DPP6: variants seen among roughly 807,000 people sequenced by gnomAD.
The protein encoded by DPP6 is dipeptidyl peptidase like 6.
DPP6 carries 69 observed loss-of-function variants against 122.6 expected under a neutral mutation model. The ratio of observed to expected loss-of-function variants is 0.56; its 90% CI spans 0.46 to 0.69. The LOEUF (loss-of-function observed/expected upper bound fraction) is 0.69. Among genes scored for constraint, DPP6 ranks in the 30% least tolerant of loss-of-function variants. The pLI is 0.00. For synonymous variants in DPP6, 418 were observed against 433.1 expected (o/e 0.97, Z 0.43); for missense variants, 928 against 1,116.9 (o/e 0.83, Z 2.41).
rs75827259 is a variant in DPP6, at chr7:154,314,249, C to T, written c.244-131965C>T. On this transcript the variant is annotated intron_variant, in intron 1 of 25. Coordinates refer to ENST00000377770, the MANE Select transcript of DPP6 (RefSeq NM_130797.4). Reference sequence around the variant, plus strand: ...TATGAAATGGGGATGATTCCTGTCACGCTGTTGCTGTAAAAAACAAAATAT... The same window carrying T: ...TATGAAATGGGGATGATTCCTGTCATGCTGTTGCTGTAAAAAACAAAATAT... 8.3e-3 allele frequency among the ~76,000 whole-genome samples: 1,260 copies of T among 152,240 alleles called. 30 individuals are homozygous for T. The highest frequency in any genetic ancestry group is 0.072 in the East Asian group (372 of 5,166).
At chr7:154,466,135 C>T (rs1415580101) in intron 2 of DPP6, among the ~76,000 whole-genome samples, 1 of 151,084 alleles carries the variant, frequency 6.6e-6, no homozygotes, top group Non-Finnish European at 1.5e-5. Context: ...TGTTCTCACT[C>T]ATAAGTGGGA....
chr7:153,923,118 A>AGCTGAC (rs1267336239), intron 1 of DPP6, among the ~76,000 whole-genome samples: 7 of 152,254 alleles, frequency 4.6e-5, no homozygotes, highest in Admixed American at 3.3e-4. Flanking sequence ...GCCGCCAAAC[A>AGCTGAC]GCCAGGCAGT....
chr7:154,068,112 G>C (rs1227538024), intron 1 of DPP6, among the ~76,000 whole-genome samples: 1 of 152,092 alleles, frequency 6.6e-6, no homozygotes, highest in African/African-American at 2.4e-5. Context: ...CAATGGCTTA[G>C]TTGGGAAAGG....
At chr7:154,573,252 G>A (rs1831244707) in intron 5 of DPP6, among the ~76,000 whole-genome samples, 1 of 152,148 alleles carries the variant, frequency 6.6e-6, no homozygotes, top group Non-Finnish European at 1.5e-5. Flanking sequence ...TGTGGGGGCT[G>A]CTATCAGAAT....
intron 1 of DPP6, chr7:154,305,335 T>TGGCC: frequency 1.6e-5 from 16 of 1,024,752 alleles, no homozygotes; most frequent in Non-Finnish European, 1.8e-5. Flanking sequence ...TCGTCTTGTC[T>TGGCC]ACCCACCCTC....
chr7:154,469,097 A>G (rs537739794), intron 2 of DPP6, among the ~76,000 whole-genome samples: 1 of 152,356 alleles, frequency 6.6e-6, no homozygotes, highest in African/African-American at 2.4e-5. Context: ...CAGAAAAGGA[A>G]AATATCAAGC....
chr7:153,921,259 A>C (rs1800625163), intron 1 of DPP6, among the ~76,000 whole-genome samples: 1 of 152,248 alleles, frequency 6.6e-6, no homozygotes, highest in Admixed American at 6.5e-5. Context: ...GCCGGGAGCA[A>C]GCCTCTCCTC....
rs192884194 is a variant in DPP6, at chr7:154,067,643, A to T, written c.243+14580A>T. Among the ~76,000 whole-genome samples, 1,396 of 152,244 alleles carry T rather than the reference A, an allele frequency of 9.2e-3. 29 individuals carry two copies. The highest frequency in any genetic ancestry group is 0.032 in the African/African-American group (1,329 of 41,548). ...TAAGGTCATGGGGAGTCATTTGAAAATTGGAAGCAGACACGTGAGATTTCT... is the reference window on the plus strand; with the variant it reads ...TAAGGTCATGGGGAGTCATTTGAAATTTGGAAGCAGACACGTGAGATTTCT... On this transcript the variant is annotated intron_variant, in intron 1 of 25. Coordinates refer to ENST00000377770, the MANE Select transcript of DPP6 (RefSeq NM_130797.4).
chr7:154,395,950 T>G (rs1051585190), intron 1 of DPP6, among the ~76,000 whole-genome samples: 8 of 126,184 alleles, frequency 6.3e-5, no homozygotes, highest in Admixed American at 3.1e-4. Flanking sequence ...TCTTGAGTTT[T>G]TTTTTTTTTT....
rs561244789 is a variant in DPP6 at position 153,958,560 on chromosome 7, G to A, written c.51+70826G>A. Among the ~76,000 whole-genome samples, 5 of 152,234 alleles carry A rather than the reference G, an allele frequency of 3.3e-5. No homozygotes were observed. In the South Asian group the frequency reaches 1.0e-3, roughly 32 times the overall value. On this transcript the variant is annotated intron_variant, in intron 1 of 25. Transcript: ENST00000404039. The stretch of plus-strand genomic sequence containing the variant: ...GCTACACTTGCAGGTCGAGCCAAGA[G>A]CTGAGGGTTTTGCATATACTGGGTA...
chr7:154,877,295 C>A lies in DPP6; in HGVS notation c.2078+1195C>A, dbSNP rs10274105. ...ATTGCTTCAGAAACCCGTGTTGCAG[C>A]TGGGAAATACGGAGCGGGAGAGCTC... On this transcript the variant is annotated intron_variant, in intron 20 of 25. Coordinates refer to ENST00000377770, the MANE Select transcript of DPP6 (RefSeq NM_130797.4). This position sits in a 1 kb window ranked among gnomAD's most constrained non-coding sequence, Gnocchi z 5.2. Among the ~76,000 whole-genome samples the A allele has an allele frequency of 7.5e-4, 114 of 152,124 alleles. 1 individual carries two copies. The highest frequency in any genetic ancestry group is 2.7e-3 in the African/African-American group (114 of 41,496).
the DPP6 span, among the ~76,000 whole-genome samples, chr7:153,814,946 A>AT: frequency 6.6e-6 from 1 of 152,174 alleles, no homozygotes; most frequent in Non-Finnish European, 1.5e-5. Context: ...TTAGGTATTG[A>AT]TGGGACGTAT....
chr7:154,313,846 T>C (rs1230801165), intron 1 of DPP6, among the ~76,000 whole-genome samples: 1 of 150,522 alleles, frequency 6.6e-6, no homozygotes. Flanking sequence ...CTGGCTCTGA[T>C]TTTGATGAGC....
chr7:154,134,525 C>T (rs1004850351), intron 1 of DPP6, among the ~76,000 whole-genome samples: 11 of 152,196 alleles, frequency 7.2e-5, no homozygotes, highest in Non-Finnish European at 1.2e-4. Flanking sequence ...TCCCAGCACA[C>T]ATCCTGGGTC....
chr7:153,837,512 C>G, the DPP6 span, among the ~76,000 whole-genome samples: 1 of 152,192 alleles, frequency 6.6e-6, no homozygotes, highest in Non-Finnish European at 1.5e-5. Flanking sequence ...TCACACTCAT[C>G]TTTGTGCCAT....
At chr7:153,851,936 C>G in the DPP6 span, among the ~76,000 whole-genome samples, 73 of 152,242 alleles carry the variant, frequency 4.8e-4, no homozygotes, top group African/African-American at 1.5e-3. Flanking sequence ...AAGGTTTTCT[C>G]TCAATAAAAT....
At chr7:154,190,451 A>G (rs992960747) in intron 1 of DPP6, among the ~76,000 whole-genome samples, 2 of 152,194 alleles carry the variant, frequency 1.3e-5, no homozygotes, top group Admixed American at 6.5e-5. Context: ...CTGGGCTGCA[A>G]TGTATTTTTG....
At chr7:154,310,055 T>C (rs1202988598) in intron 1 of DPP6, among the ~76,000 whole-genome samples, 3 of 152,278 alleles carry the variant, frequency 2.0e-5, no homozygotes, top group Admixed American at 6.5e-5. Context: ...AGGATGGAGT[T>C]TGGCTGCAAA....
intron 16 of DPP6, among the ~76,000 whole-genome samples, chr7:154,836,141 G>A (rs894728202): frequency 6.6e-6 from 1 of 152,168 alleles, no homozygotes; most frequent in South Asian, 2.1e-4. Context: ...TAATTACCGC[G>A]AGCCTTGTTT....
Sources: gnomAD v4.1 joint callset for allele counts (sites outside exome capture counted in the v4.1 genomes callset) on GRCh38, gnomAD v4.1.1 for gene constraint, Gnocchi (gnomAD v3.1) non-coding constraint, MANE v1.5 for transcripts, NCBI Gene and HGNC (gene_info 2026-07-23, HGNC 2026-07-21) for gene names.